FAM20B: variants seen among roughly 807,000 people sequenced by gnomAD.
FAM20B encodes FAM20B glycosaminoglycan xylosylkinase, also known as glycosaminoglycan xylosylkinase.
A neutral mutation model predicts 43.8 loss-of-function variants in FAM20B; 23 were observed. That is an observed-to-expected ratio of 0.53 (90% CI 0.38 to 0.74). FAM20B has a LOEUF of 0.74. Ranked by LOEUF, FAM20B falls within the 30% of genes least tolerant of loss-of-function variation. FAM20B has a pLI of 0.00. For synonymous variants in FAM20B, 178 were observed against 192.4 expected, an observed-to-expected ratio of 0.93 and a Z score of 0.62; for missense variants, 440 against 510.5, an observed-to-expected ratio of 0.86 and a Z score of 1.33.
intron 1 of FAM20B, among the ~76,000 whole-genome samples, chr1:179,031,572 A>G (rs1650014990): frequency 6.6e-6 from 1 of 152,200 alleles, no homozygotes; most frequent in Non-Finnish European, 1.5e-5. Context: ...TGCTTCATTA[A>G]TGCCTGGTAA....
intron 7 of FAM20B, 126 bp downstream of exon 7, chr1:179,066,985 A>G (rs1364011648): frequency 2.5e-5 from 17 of 667,620 alleles, no homozygotes; most frequent in Non-Finnish European, 4.3e-5. Flanking sequence ...TACTTTTCCA[A>G]CCTAGAACCT....
chr1:179,066,196 T>G (rs3766630), intron 6 of FAM20B, among the ~76,000 whole-genome samples: 3 of 152,044 alleles, frequency 2.0e-5, no homozygotes, highest in Admixed American at 6.5e-5. Flanking sequence ...CTGGAAAGAT[T>G]GAAAGGTTGA....
intron 7 of FAM20B, among the ~76,000 whole-genome samples, chr1:179,069,909 C>T (rs12022201): frequency 0.49 from 74,310 of 152,048 alleles, 18,462 homozygotes; most frequent in Middle Eastern, 0.55. Context: ...TCTGCATACC[C>T]AGTAATTCCT....
chr1:179,026,603 C>A (rs1649795841), intron 1 of FAM20B, among the ~76,000 whole-genome samples: 1 of 152,228 alleles, frequency 6.6e-6, no homozygotes, highest in African/African-American at 2.4e-5. Context: ...CGCGAGTGAC[C>A]TGCAGGCCGG....
chr1:179,075,862 A>G lies in FAM20B; in HGVS notation c.*3718A>G, dbSNP rs1036802244. On this transcript the variant is annotated 3_prime_UTR_variant, in exon 8 of 8. Transcript: ENST00000263733. ...TCGATCACCCGTGTATTCTTTGACC[A>G]GTAAATGACCACACCTCAATGATGG... 6.6e-6 allele frequency: 1 copy of G among 152,032 alleles called. No homozygotes were observed. Among genetic ancestry groups the G allele is most frequent in the Non-Finnish European group, 1.5e-5 (1 of 68,014 alleles). The allele number at this position is 152,032 out of a possible 1,614,324, so 9.4% of individuals were successfully genotyped here.
rs1292317584 is a variant in FAM20B, at chr1:179,064,350, C to A, written c.792C>A (p.Ser264=). 3 of 1,613,612 alleles carry A rather than the reference C, an allele frequency of 1.9e-6. No individual in the cohort carries two copies. Among genetic ancestry groups the A allele is most frequent in the Admixed American group, 3.3e-5 (2 of 59,950 alleles). Reference sequence around the variant, plus strand: ...ACTGTGATGCTGTGAAGAAAACGTCCCCTTATGACTCTGGCCCGCGCCTCT... The same window carrying A: ...ACTGTGATGCTGTGAAGAAAACGTCACCTTATGACTCTGGCCCGCGCCTCT... ...ESYCDAVKKT[S]PYDSGPRLLD... Residue 264 remains serine, a synonymous_variant, in exon 6 of 8, where the codon TCC becomes TCA. Coordinates refer to ENST00000263733, the MANE Select transcript of FAM20B (RefSeq NM_014864.4).
chr1:179,031,924 T>C (rs552910280), intron 1 of FAM20B, among the ~76,000 whole-genome samples: 1 of 152,238 alleles, frequency 6.6e-6, no homozygotes, highest in South Asian at 2.1e-4. Flanking sequence ...TTACATTGAG[T>C]GTGGTAGAAT....
intron 1 of FAM20B, among the ~76,000 whole-genome samples, chr1:179,029,728 A>G (rs1649929428): frequency 6.6e-6 from 1 of 152,244 alleles, no homozygotes; most frequent in African/African-American, 2.4e-5. Flanking sequence ...AGAGGGAGGC[A>G]GTGAAGTCTA....
chr1:179,062,863 A>G (rs2102520108), intron 4 of FAM20B, among the ~76,000 whole-genome samples: 1 of 152,174 alleles, frequency 6.6e-6, no homozygotes, highest in East Asian at 1.9e-4. Flanking sequence ...CTACCCCTCT[A>G]TGTAACCAAA....
In FAM20B at chr1:179,072,430, A is replaced by T; in HGVS notation, c.*286A>T. The T allele has an allele frequency of 2.5e-6, 1 of 393,590 alleles. No individual in the cohort carries two copies. The highest frequency in any genetic ancestry group is 3.4e-5 in the South Asian group (1 of 29,170). The allele number at this position is 393,590 out of a possible 1,614,324, so 24.4% of individuals were successfully genotyped here. On this transcript the variant is annotated 3_prime_UTR_variant, in exon 8 of 8. Transcript: ENST00000263733. The stretch of plus-strand genomic sequence containing the variant: ...TCAGTCTTAATTCCCATGCCAAAGG[A>T]CAAACAGGTGTGACATTTGGATAGA...
At chr1:179,025,481 AG>A (rs1254545257), upstream of FAM20B, among the ~76,000 whole-genome samples, 4 of 152,100 alleles carry the variant, frequency 2.6e-5, no homozygotes, top group African/African-American at 7.2e-5. Context: ...CAACAGGAGG[AG>A]GGAAAATGCT....
intron 1 of FAM20B, among the ~76,000 whole-genome samples, chr1:179,038,279 C>T (rs547337469): frequency 1.6e-4 from 25 of 152,102 alleles, no homozygotes; most frequent in African/African-American, 5.5e-4. Context: ...GGCGTGGTGG[C>T]GCATGCCTGT....
rs1339578886 is a variant in FAM20B at position 179,073,250 on chromosome 1, G to C, written c.*1106G>C. On this transcript the variant is annotated 3_prime_UTR_variant, in exon 8 of 8. Coordinates refer to ENST00000263733, the MANE Select transcript of FAM20B (RefSeq NM_014864.4). ...CCTTACTCTCTCAGATAAGTGGCTG[G>C]ACTTATCTTGTGATTTGGGGCCATG... The C allele has an allele frequency of 6.6e-6, 1 of 152,118 alleles. No individual in the cohort carries two copies. Among genetic ancestry groups the C allele is most frequent in the African/African-American group, 2.4e-5 (1 of 41,394 alleles). 9.4% of individuals were successfully genotyped at this position (152,118 alleles called of 1,614,324 possible).
At chr1:179,048,082 TA>T (rs1650855387) in intron 2 of FAM20B, among the ~76,000 whole-genome samples, 1 of 152,086 alleles carries the variant, frequency 6.6e-6, no homozygotes, top group African/African-American at 2.4e-5. Flanking sequence ...ACATTATAAG[TA>T]AAGGTGATTT....
chr1:179,037,528 A>G (rs1036516134), intron 1 of FAM20B, among the ~76,000 whole-genome samples: 26 of 122,762 alleles, frequency 2.1e-4, no homozygotes, highest in African/African-American at 8.5e-4. Flanking sequence ...TCTGTCGCTC[A>G]GGCTGGAGTG....
intron 4 of FAM20B, among the ~76,000 whole-genome samples, chr1:179,062,047 C>T (rs1651486131): frequency 6.6e-6 from 1 of 151,752 alleles, no homozygotes; most frequent in South Asian, 2.1e-4. Flanking sequence ...TGCTCTGTCT[C>T]CCAGGCTGGA....
At chr1:179,031,590 A>C (rs72707288) in intron 1 of FAM20B, among the ~76,000 whole-genome samples, 21,614 of 152,180 alleles carry the variant, frequency 0.14, 1,793 homozygotes, top group East Asian at 0.31. Flanking sequence ...TAATGGTTTT[A>C]GTTGCCTTCC....
upstream of FAM20B, among the ~76,000 whole-genome samples, chr1:179,023,953 G>A (rs543608210): frequency 2.0e-5 from 3 of 152,286 alleles, no homozygotes; most frequent in South Asian, 4.1e-4. Context: ...CCGTACAGGC[G>A]GAGGGGGCAG....
intron 2 of FAM20B, among the ~76,000 whole-genome samples, chr1:179,046,659 G>A (rs939098928): frequency 6.1e-5 from 9 of 148,688 alleles, no homozygotes; most frequent in Admixed American, 1.4e-4. Flanking sequence ...TCTCAAAAAC[G>A]TAAAATAAAA....
Sources: gnomAD v4.1 joint callset for allele counts (sites outside exome capture counted in the v4.1 genomes callset) on GRCh38, gnomAD v4.1.1 for gene constraint, MANE v1.5 for transcripts, NCBI Gene and HGNC (gene_info 2026-07-23, HGNC 2026-07-21) for gene names.